The following CDC16 variants were observed in gnomAD, a reference collection of about 807,000 sequenced individuals.
The protein encoded by CDC16 is cell division cycle 16.
A neutral mutation model predicts 87.0 loss-of-function variants in CDC16; 34 were observed. The ratio of observed to expected loss-of-function variants is 0.39; its 90% CI spans 0.30 to 0.52. The LOEUF is 0.52. Ranked by LOEUF, CDC16 falls within the 20% of genes least tolerant of loss-of-function variation. The pLI is 0.74. For missense variants in CDC16, 653 were observed against 751.9 expected (o/e 0.87, Z 1.54); for synonymous variants, 263 against 260.6 (o/e 1.01, Z -0.09).
Position 114,247,616 on chromosome 13 carries a change from A to G in CDC16, c.971+612A>G, listed in dbSNP as rs545367003. ...TAAATGGCCAGGCATGGTGGCTCACACCTGTTATGCCAGCACTTTGGGAGG... is the reference window on the plus strand; with the variant it reads ...TAAATGGCCAGGCATGGTGGCTCACGCCTGTTATGCCAGCACTTTGGGAGG... On this transcript the variant is annotated intron_variant, in intron 11 of 17. Transcript: ENST00000356221. Among the ~76,000 whole-genome samples, 51 of 152,210 alleles carry G rather than the reference A, an allele frequency of 3.4e-4. 1 individual carries two copies. Among genetic ancestry groups the G allele is most frequent in the African/African-American group, 1.2e-3 (49 of 41,544 alleles).
At chr13:114,235,197 G>C in intron 1 of CDC16, 65 bp downstream of exon 1, 1 of 1,114,438 alleles carries the variant, frequency 9.0e-7, no homozygotes, top group Non-Finnish European at 1.1e-6. Context: ...CGCGGCGTGG[G>C]GCTGGGGTGA....
chr13:114,259,420 A>G (rs768085618), intron 14 of CDC16, 22 bp downstream of exon 14: 8 of 1,398,530 alleles, frequency 5.7e-6, no homozygotes, highest in Non-Finnish European at 6.8e-6. Flanking sequence ...AGTACCTGTA[A>G]ATATACACAT....
At position 114,263,073 on chromosome 13, in the gene CDC16, T is replaced by G. The variant is rs2082950156; in HGVS notation, c.1512+59T>G. 6.8e-6 allele frequency: 10 copies of G among 1,461,450 alleles called. No homozygotes were observed. The South Asian group carries it at 6.9e-5, about 10-fold the overall frequency. The allele number at this position is 1,461,450 out of a possible 1,614,324, so 90.5% of individuals were successfully genotyped here. A position where few individuals can be genotyped will look rare whatever the true frequency, so the allele number is the denominator to read the frequency against. On this transcript the variant is annotated intron_variant, in intron 16 of 17. Coordinates refer to ENST00000356221, the MANE Select transcript of CDC16 (RefSeq NM_001078645.3). Reference sequence around the variant, plus strand: ...GGTTAACATTGACCACTTCCTTTTTTGAAAATATTTTTTCTAGGTAATATT... The same window carrying G: ...GGTTAACATTGACCACTTCCTTTTTGGAAAATATTTTTTCTAGGTAATATT...
chr13:114,265,323 G>A (rs747244240), intron 17 of CDC16, 83 bp downstream of exon 17: 34 of 874,148 alleles, frequency 3.9e-5, no homozygotes, highest in South Asian at 8.1e-5. Context: ...TCATATTCTC[G>A]TCTGAGGTTC....
intron 17 of CDC16, among the ~76,000 whole-genome samples, chr13:114,265,973 G>A (rs1431467340): frequency 2.6e-5 from 4 of 152,084 alleles, no homozygotes; most frequent in Admixed American, 6.6e-5. Context: ...GTGCTACCAC[G>A]CCTAGCTAAT....
Position 114,246,996 on chromosome 13 carries a change from A to G in CDC16, c.963A>G (p.Arg321=). The G allele has an allele frequency of 6.2e-6, 10 of 1,605,420 alleles. No individual in the cohort carries two copies. The highest frequency in any genetic ancestry group is 8.5e-6 in the Non-Finnish European group (10 of 1,172,224). ...GTCATAAAAATGAACATGCCAGAAGATATCTCAGGTATGAATTTATTTTTT... is the reference window on the plus strand; with the variant it reads ...GTCATAAAAATGAACATGCCAGAAGGTATCTCAGGTATGAATTTATTTTTT... ...MVGHKNEHAR[R]YLSKATTLEK... The change falls in exon 11 of 18, where the codon AGA becomes AGG. Residue 321 remains arginine, a synonymous_variant. Coordinates refer to ENST00000356221, the MANE Select transcript of CDC16 (RefSeq NM_001078645.3).
At chr13:114,245,273 T>TCCC (rs1566646945) in intron 9 of CDC16, among the ~76,000 whole-genome samples, 1 of 143,190 alleles carries the variant, frequency 7.0e-6, no homozygotes, top group African/African-American at 2.6e-5. Context: ...CCCCCCCCCT[T>TCCC]TTTTTTTTTT....
chr13:114,257,252 A>T, intron 13 of CDC16, 22 bp downstream of exon 13: 2 of 1,570,496 alleles, frequency 1.3e-6, no homozygotes, highest in Non-Finnish European at 1.7e-6. Context: ...AAGACCAGAA[A>T]CCCTTCTGTT....
chr13:114,250,605 C>T lies in CDC16; in HGVS notation c.1028C>T (p.Ser343Leu). The stretch of plus-strand genomic sequence containing the variant: ...CCTGCATGGATAGCCTATGGACATT[C>T]ATTTGCGGTGGAGAGTGAGCACGAC... ...YGPAWIAYGHSFAVESEHDQA... is the reference protein window; with the variant it reads ...YGPAWIAYGHLFAVESEHDQA... Residue 343 changes from serine to leucine, a missense_variant, in exon 12 of 18, where the codon TCA becomes TTA. Transcript: ENST00000356221. 2 of 1,613,958 alleles carry T rather than the reference C, an allele frequency of 1.2e-6. No individual in the cohort carries two copies. The highest frequency in any genetic ancestry group is 1.7e-6 in the Non-Finnish European group (2 of 1,179,918).
At chr13:114,264,563 AAAAAG>A (rs1192440164) in intron 16 of CDC16, among the ~76,000 whole-genome samples, 1 of 152,074 alleles carries the variant, frequency 6.6e-6, no homozygotes, top group Non-Finnish European at 1.5e-5. Context: ...TGTCTCAAAA[AAAAAG>A]GAAAAAAATA....
intron 17 of CDC16, 42 bp downstream of exon 17, chr13:114,265,282 T>A: frequency 7.9e-7 from 1 of 1,271,930 alleles, no homozygotes; most frequent in East Asian, 2.3e-5. Flanking sequence ...ACTCCATTTT[T>A]TAGGTTGTCA....
At position 114,262,078 on chromosome 13, in the gene CDC16, A is replaced by G; in HGVS notation, c.1376+130A>G. On this transcript the variant is annotated intron_variant, in intron 15 of 17. Transcript: ENST00000356221. ...TGTACTTGGCTGCTCAGATAAAATC[A>G]GCATCAAATCAGTTTTTATTATTTA... is the stretch of plus-strand genomic sequence containing the variant. The G allele has an allele frequency of 9.7e-6, 5 of 517,786 alleles. No individual in the cohort carries two copies. In the Admixed American group the frequency reaches 1.5e-4, roughly 16 times the overall value. 32.1% of individuals were successfully genotyped at this position (517,786 alleles called of 1,614,324 possible).
intron 3 of CDC16, among the ~76,000 whole-genome samples, chr13:114,237,391 G>A (rs1374502275): frequency 6.6e-6 from 1 of 152,056 alleles, no homozygotes; most frequent in African/African-American, 2.4e-5. Context: ...CTGAGTTCAA[G>A]TGATCCTTCT....
At chr13:114,256,213 G>A (rs999510704) in intron 12 of CDC16, among the ~76,000 whole-genome samples, 1 of 152,144 alleles carries the variant, frequency 6.6e-6, no homozygotes, top group African/African-American at 2.4e-5. Flanking sequence ...CCAAAGTTCT[G>A]AAAAAATTGG....
chr13:114,243,845 A>T lies in CDC16; in HGVS notation c.634-11A>T, dbSNP rs748774580. On this transcript the variant is annotated splice_polypyrimidine_tract_variant and intron_variant, in intron 7 of 17. Coordinates refer to ENST00000356221, the MANE Select transcript of CDC16 (RefSeq NM_001078645.3). ...TCATTGAGTTTATGTTTACATTTCT[A>T]TGTGTTTCAGTATAATAAGCCTAGT... 6.3e-7 allele frequency: 1 copy of T among 1,598,642 alleles called. No individual in the cohort carries two copies. The highest frequency in any genetic ancestry group is 8.5e-7 in the Non-Finnish European group (1 of 1,171,874).
At chr13:114,260,563 T>A (rs747580163) in intron 14 of CDC16, among the ~76,000 whole-genome samples, 8 of 152,212 alleles carry the variant, frequency 5.3e-5, no homozygotes, top group Non-Finnish European at 1.0e-4. Context: ...AGAAGCACTT[T>A]CCTAAACCAT....
intron 4 of CDC16, 160 bp downstream of exon 4, chr13:114,239,188 G>C (rs2081415223): frequency 1.4e-6 from 2 of 1,401,522 alleles, no homozygotes; most frequent in Non-Finnish European, 1.9e-6. Flanking sequence ...ATAAAATACT[G>C]ATTCTTCGTT....
chr13:114,239,505 G>A lies in CDC16; in HGVS notation c.381+15G>A, dbSNP rs777621941. ...CACAGTCTTCAGTAAGTAGTACTGT[G>A]AGCACAGCTCAGTAACGGCGGCGAG... On this transcript the variant is annotated intron_variant, in intron 5 of 17. Coordinates refer to ENST00000356221, the MANE Select transcript of CDC16 (RefSeq NM_001078645.3). 2 of 1,562,090 alleles carry A rather than the reference G, an allele frequency of 1.3e-6. No homozygotes were observed. Among genetic ancestry groups the A allele is most frequent in the Non-Finnish European group, 1.7e-6 (2 of 1,145,820 alleles).
chr13:114,251,854 T>A (rs182693167), intron 12 of CDC16, among the ~76,000 whole-genome samples: 2 of 152,324 alleles, frequency 1.3e-5, no homozygotes, highest in Non-Finnish European at 2.9e-5. Context: ...CTCTTCCTCT[T>A]GTAAAAACAC....
Sources: gnomAD v4.1 joint callset for allele counts (sites outside exome capture counted in the v4.1 genomes callset) on GRCh38, gnomAD v4.1.1 for gene constraint, MANE v1.5 for transcripts, NCBI Gene and HGNC (gene_info 2026-07-23, HGNC 2026-07-21) for gene names.